Variants in PRKN observed in about 807,000 individuals in gnomAD.
PRKN encodes the protein parkin RBR E3 ubiquitin protein ligase.
Under a neutral mutation model 59.5 loss-of-function variants are expected in PRKN, and 56 were observed. The ratio of observed to expected loss-of-function variants is 0.94; its 90% CI spans 0.76 to 1.18. The LOEUF (loss-of-function observed/expected upper bound fraction) is 1.18. Among genes scored for constraint, PRKN ranks in the 50% most tolerant of loss-of-function variants. The pLI, the probability that PRKN is intolerant of heterozygous loss-of-function variation, is 0.00. For synonymous variants in PRKN, 250 were observed against 222.1 expected, an observed-to-expected ratio of 1.13 and a Z score of -1.12; for missense variants, 657 against 596.4, an observed-to-expected ratio of 1.10 and a Z score of -1.06.
intron 1 of PRKN, among the ~76,000 whole-genome samples, chr6:162,716,660 A>C (rs867839465): frequency 2.0e-5 from 3 of 152,182 alleles, no homozygotes; most frequent in South Asian, 2.1e-4. Flanking sequence ...GTCCAGGAGA[A>C]TATTCACACC....
At chr6:161,825,240 T>C (rs1343389906) in intron 6 of PRKN, among the ~76,000 whole-genome samples, 1 of 152,114 alleles carries the variant, frequency 6.6e-6, no homozygotes, top group African/African-American at 2.4e-5. Context: ...AATTGAAATA[T>C]GTTATTTTTC....
chr6:161,868,697 T>C (rs1794222386), intron 6 of PRKN, among the ~76,000 whole-genome samples: 1 of 152,206 alleles, frequency 6.6e-6, no homozygotes, highest in Admixed American at 6.5e-5. Flanking sequence ...TTGTAGCATA[T>C]CATCACTAAG....
intron 7 of PRKN, among the ~76,000 whole-genome samples, chr6:161,680,724 T>TAC (rs1454026419): frequency 1.5e-5 from 1 of 67,508 alleles, no homozygotes; most frequent in African/African-American, 8.4e-5. Context: ...CATCCTGAAA[T>TAC]ACATATATAT....
At chr6:161,749,995 A>G (rs1788608226) in intron 7 of PRKN, among the ~76,000 whole-genome samples, 1 of 152,062 alleles carries the variant, frequency 6.6e-6, no homozygotes, top group South Asian at 2.1e-4. Flanking sequence ...TGCGTTTGTT[A>G]TGAGAACTAA....
chr6:161,620,890 T>C (rs1782871607), intron 7 of PRKN, among the ~76,000 whole-genome samples: 1 of 152,158 alleles, frequency 6.6e-6, no homozygotes, highest in Non-Finnish European at 1.5e-5. Context: ...ATCTCTTTCA[T>C]TTCAACAAAG....
At chr6:162,039,422 G>C (rs1783976485) in intron 5 of PRKN, among the ~76,000 whole-genome samples, 1 of 152,144 alleles carries the variant, frequency 6.6e-6, no homozygotes, top group African/African-American at 2.4e-5. Context: ...CTCATGAATG[G>C]CTTAGTGCCA....
chr6:161,809,926 C>T (rs140568869), intron 6 of PRKN, among the ~76,000 whole-genome samples: 113 of 152,248 alleles, frequency 7.4e-4, no homozygotes, highest in African/African-American at 2.5e-3. Flanking sequence ...TCCCTTAGGA[C>T]GTGTTTTTAA....
At chr6:162,038,747 TA>T (rs1300891699) in intron 5 of PRKN, among the ~76,000 whole-genome samples, 3 of 152,212 alleles carry the variant, frequency 2.0e-5, no homozygotes, top group African/African-American at 7.2e-5. Context: ...GACCAGGGTA[TA>T]ACCTCAGGTA....
intron 1 of PRKN, among the ~76,000 whole-genome samples, chr6:162,597,532 A>AT (rs1419425678): frequency 3.3e-5 from 5 of 152,216 alleles, no homozygotes; most frequent in African/African-American, 1.2e-4. Context: ...GACCTTTCTT[A>AT]TTATGTGTCT....
At chr6:162,398,330 T>G (rs1476367199) in intron 2 of PRKN, among the ~76,000 whole-genome samples, 1 of 152,058 alleles carries the variant, frequency 6.6e-6, no homozygotes, top group Admixed American at 6.6e-5. Context: ...CTTAAAAAAA[T>G]GAATATCAAC....
At chr6:162,462,949 C>T (rs536476139) in intron 1 of PRKN, among the ~76,000 whole-genome samples, 1 of 152,112 alleles carries the variant, frequency 6.6e-6, no homozygotes, top group South Asian at 2.1e-4. Context: ...CAAAACTTAG[C>T]TGGGTGTGGT....
At chr6:162,522,980 T>C (rs1271802569) in intron 1 of PRKN, among the ~76,000 whole-genome samples, 1 of 152,192 alleles carries the variant, frequency 6.6e-6, no homozygotes, top group Non-Finnish European at 1.5e-5. Flanking sequence ...CCTCTTCTAT[T>C]TTCTGTTGAT....
Position 162,115,219 on chromosome 6 carries a change from A to G in PRKN, c.535-61045T>C, listed in dbSNP as rs199794105. 2.2e-4 allele frequency among the ~76,000 whole-genome samples: 33 copies of G among 152,176 alleles called. No homozygotes were observed. The East Asian group carries it at 5.6e-3, about 26-fold the overall frequency. On this transcript the variant is annotated intron_variant, in intron 4 of 11. Coordinates refer to ENST00000366898, the MANE Select transcript of PRKN (RefSeq NM_004562.3). ...AGGGACATGGATGAAACTGGAAATC[A>G]TCATTCTCAGTAAACTATCGCAAGA...
At chr6:161,966,979 A>G (rs1436382666) in intron 6 of PRKN, among the ~76,000 whole-genome samples, 2 of 152,038 alleles carry the variant, frequency 1.3e-5, no homozygotes, top group African/African-American at 4.8e-5. Flanking sequence ...CTACAGGTGC[A>G]CACCACCACT....
intron 11 of PRKN, among the ~76,000 whole-genome samples, chr6:161,350,902 A>T (rs867387373): frequency 2.1e-5 from 2 of 93,788 alleles, no homozygotes; most frequent in African/African-American, 4.6e-5. Context: ...AATATATATA[A>T]ATATATTTTA....
intron 4 of PRKN, among the ~76,000 whole-genome samples, chr6:162,090,374 C>T (rs985561251): frequency 6.6e-6 from 1 of 152,080 alleles, no homozygotes; most frequent in African/African-American, 2.4e-5. Flanking sequence ...AAATAGTTAT[C>T]CCTCAATCAG....
intron 6 of PRKN, among the ~76,000 whole-genome samples, chr6:161,846,546 A>G (rs1793205219): frequency 6.6e-6 from 1 of 152,188 alleles, no homozygotes; most frequent in South Asian, 2.1e-4. Flanking sequence ...CCCTGTCCCC[A>G]GTGAGGAAAA....
chr6:162,233,993 C>A (rs896747232), intron 3 of PRKN, among the ~76,000 whole-genome samples: 1 of 152,014 alleles, frequency 6.6e-6, no homozygotes, highest in East Asian at 1.9e-4. Context: ...ATTATAGCAA[C>A]AGAAAATGGA....
rs1281769570 is a variant in PRKN, at chr6:161,402,654, AAT to A, written c.1084-15779_1084-15778del. 2.6e-5 allele frequency among the ~76,000 whole-genome samples: 4 copies of A among 152,204 alleles called. No homozygotes were observed. The highest frequency in any genetic ancestry group is 4.4e-5 in the Non-Finnish European group (3 of 68,024). Reference sequence around the variant, plus strand: ...TTCTGTACACATGAGAGTCCCACAGAATATGAGACTCCAAGAAGGGTTAGATC... The same window carrying A: ...TTCTGTACACATGAGAGTCCCACAGAATGAGACTCCAAGAAGGGTTAGATC... On this transcript the variant is annotated intron_variant, in intron 9 of 11. Coordinates refer to ENST00000366898, the MANE Select transcript of PRKN (RefSeq NM_004562.3). This position sits in a 1 kb window ranked among gnomAD's most constrained non-coding sequence, Gnocchi z 4.5.
Sources: gnomAD v4.1 joint callset for allele counts (sites outside exome capture counted in the v4.1 genomes callset) on GRCh38, gnomAD v4.1.1 for gene constraint, Gnocchi (gnomAD v3.1) non-coding constraint, MANE v1.5 for transcripts, NCBI Gene and HGNC (gene_info 2026-07-23, HGNC 2026-07-21) for gene names.